Variants in ROBO2 observed in about 807,000 individuals in gnomAD.
The protein encoded by ROBO2 is roundabout homolog 2.
Under a neutral mutation model 160.8 loss-of-function variants are expected in ROBO2, and 53 were observed. The ratio of observed to expected loss-of-function variants is 0.33; its 90% CI spans 0.26 to 0.41. The LOEUF (loss-of-function observed/expected upper bound fraction) is 0.41. Ranked by LOEUF, ROBO2 falls within the 10% of genes least tolerant of loss-of-function variation. ROBO2 has a pLI of 1.00. For missense variants in ROBO2, 1,577 were observed against 1,722.4 expected, an observed-to-expected ratio of 0.92 and a Z score of 1.49; for synonymous variants, 664 against 611.7, an observed-to-expected ratio of 1.09 and a Z score of -1.26.
intron 2 of ROBO2, among the ~76,000 whole-genome samples, chr3:76,122,343 T>A (rs904140817): frequency 3.3e-5 from 5 of 152,184 alleles, no homozygotes; most frequent in African/African-American, 1.2e-4. Flanking sequence ...GTGGATTGTG[T>A]CTAGAAAAAT....
In ROBO2 at chr3:77,048,462, A is replaced by T. The variant is rs185060628; in HGVS notation, c.61+7616A>T. Among the ~76,000 whole-genome samples, 313 of 152,308 alleles carry T rather than the reference A, an allele frequency of 2.1e-3. 4 individuals carry two copies. Among genetic ancestry groups the T allele is most frequent in the African/African-American group, 7.0e-3 (292 of 41,562 alleles). On this transcript the variant is annotated intron_variant, in intron 1 of 25. Transcript: ENST00000461745. ...ACAAGAGAGGAATCACACAAATGGC[A>T]ATTTGTTAGCAAGTAGACCATGCTT...
chr3:76,700,805 TC>T (rs928331444), intron 2 of ROBO2, among the ~76,000 whole-genome samples: 1 of 152,112 alleles, frequency 6.6e-6, no homozygotes, highest in Admixed American at 6.6e-5. Flanking sequence ...GTTCTTAGAG[TC>T]CAGTCTTGTC....
chr3:77,602,381 A>G (rs1233870738), exon 20 of ROBO2: 1 of 1,614,140 alleles, frequency 6.2e-7, no homozygotes, highest in Non-Finnish European at 8.5e-7. Flanking sequence ...AACAGCATAC[A>G]TGAATTGGCT....
At chr3:76,498,639 A>G (rs1503126) in intron 2 of ROBO2, among the ~76,000 whole-genome samples, 40,055 of 150,758 alleles carry the variant, frequency 0.27, 6,518 homozygotes, top group African/African-American at 0.44. Context: ...AACAAGCAAT[A>G]CATCTGTAAC....
chr3:76,770,854 G>C (rs1294422135), intron 2 of ROBO2, among the ~76,000 whole-genome samples: 2 of 151,164 alleles, frequency 1.3e-5, no homozygotes, highest in Non-Finnish European at 3.0e-5. Flanking sequence ...GCCGGCCATC[G>C]GTGTTGGATC....
At chr3:77,152,507 G>C (rs1217848477) in intron 2 of ROBO2, among the ~76,000 whole-genome samples, 1 of 152,156 alleles carries the variant, frequency 6.6e-6, no homozygotes, top group African/African-American at 2.4e-5. Flanking sequence ...CCACCATACT[G>C]GATAGTGCCA....
intron 2 of ROBO2, among the ~76,000 whole-genome samples, chr3:76,665,965 TAA>T (rs2092015107): frequency 7.1e-6 from 1 of 141,570 alleles, no homozygotes; most frequent in Non-Finnish European, 1.5e-5. Context: ...TATATACATA[TAA>T]TATATATAAT....
At chr3:76,580,666 G>A (rs1277492775) in intron 2 of ROBO2, among the ~76,000 whole-genome samples, 1 of 151,706 alleles carries the variant, frequency 6.6e-6, no homozygotes, top group Non-Finnish European at 1.5e-5. Flanking sequence ...GAAAAATAGA[G>A]GCCCTTTATT....
At chr3:76,965,785 G>GTGTGTATATATATA (rs1424338840) in intron 2 of ROBO2, among the ~76,000 whole-genome samples, 36 of 129,222 alleles carry the variant, frequency 2.8e-4, no homozygotes, top group African/African-American at 1.1e-3. Context: ...TTGTGTTTGT[G>GTGTGTATATATATA]TATATATATA....
At chr3:77,200,127 T>C (rs1307778354) in intron 2 of ROBO2, among the ~76,000 whole-genome samples, 1 of 150,634 alleles carries the variant, frequency 6.6e-6, no homozygotes, top group African/African-American at 2.4e-5. Context: ...CAAAGCTATC[T>C]ACTATTTGAA....
At chr3:77,445,301 C>T (rs1213311094) in intron 2 of ROBO2, among the ~76,000 whole-genome samples, 1 of 152,092 alleles carries the variant, frequency 6.6e-6, no homozygotes, top group Non-Finnish European at 1.5e-5. Context: ...CTCAGGACTT[C>T]TTAAAACCAG....
chr3:77,211,471 G>T (rs1304915287), intron 2 of ROBO2, among the ~76,000 whole-genome samples: 2 of 152,158 alleles, frequency 1.3e-5, no homozygotes, highest in African/African-American at 4.8e-5. Flanking sequence ...GTTCATTGTA[G>T]ATTCTGGATA....
At chr3:77,186,594 G>A (rs2081307265) in intron 2 of ROBO2, among the ~76,000 whole-genome samples, 1 of 151,864 alleles carries the variant, frequency 6.6e-6, no homozygotes, top group African/African-American at 2.4e-5. Context: ...CAAAACTAAG[G>A]ATGTTGATTT....
At chr3:76,962,160 C>T (rs1467187738) in intron 2 of ROBO2, among the ~76,000 whole-genome samples, 1 of 151,984 alleles carries the variant, frequency 6.6e-6, no homozygotes, top group Admixed American at 6.6e-5. Flanking sequence ...CATGCCACAA[C>T]CCTGTCTCTA....
At chr3:76,215,388 T>C (rs988306046) in intron 2 of ROBO2, among the ~76,000 whole-genome samples, 3 of 151,976 alleles carry the variant, frequency 2.0e-5, no homozygotes, top group Non-Finnish European at 4.4e-5. Flanking sequence ...GTTCGAACCA[T>C]GGCAAAGAAG....
At position 76,626,936 on chromosome 3, in the gene ROBO2, C is replaced by G. The variant is rs775717586; in HGVS notation, c.110-471078C>G. Among the ~76,000 whole-genome samples the G allele has an allele frequency of 2.0e-5, 3 of 152,078 alleles. No individual in the cohort carries two copies. In the South Asian group the frequency reaches 6.2e-4, roughly 32 times the overall value. ...CAATCTCCTGACCTTGTGGTCCGCC[C>G]GCCTCGGCCTCCCAAAGTGCTGGGA... On this transcript the variant is annotated intron_variant, in intron 2 of 26. Transcript: ENST00000487694.
intron 2 of ROBO2, among the ~76,000 whole-genome samples, chr3:77,362,036 T>G (rs2070094100): frequency 6.6e-6 from 1 of 152,076 alleles, no homozygotes; most frequent in African/African-American, 2.4e-5. Context: ...CACAAATACA[T>G]GGTAAACTGT....
intron 2 of ROBO2, among the ~76,000 whole-genome samples, chr3:76,194,652 G>T (rs1164538782): frequency 6.7e-6 from 1 of 149,518 alleles, no homozygotes; most frequent in Non-Finnish European, 1.5e-5. Flanking sequence ...ACGGAGTCTC[G>T]CTCTGTTACC....
chr3:77,405,659 T>C (rs2076196224), intron 2 of ROBO2, among the ~76,000 whole-genome samples: 1 of 151,830 alleles, frequency 6.6e-6, no homozygotes, highest in South Asian at 2.1e-4. Flanking sequence ...TTATAAAAAG[T>C]ATAAGCCTCT....
Sources: gnomAD v4.1 joint callset for allele counts (sites outside exome capture counted in the v4.1 genomes callset) on GRCh38, gnomAD v4.1.1 for gene constraint, MANE v1.5 for transcripts, NCBI Gene and HGNC (gene_info 2026-07-23, HGNC 2026-07-21) for gene names.